WASHC4: variants seen among roughly 807,000 people sequenced by gnomAD.
WASHC4 encodes the protein WASH complex subunit 4, also known as WASH complex subunit 7.
A neutral mutation model predicts 166.6 loss-of-function variants in WASHC4; 86 were observed. The ratio of observed to expected loss-of-function variants is 0.52; its 90% CI spans 0.43 to 0.62. The LOEUF is 0.62. Ranked by LOEUF, WASHC4 falls within the 20% of genes least tolerant of loss-of-function variation. The pLI, the probability that WASHC4 is intolerant of heterozygous loss-of-function variation, is 0.00. For synonymous variants in WASHC4, 446 were observed against 451.6 expected (o/e 0.99, Z 0.16); for missense variants, 1,262 against 1,382.4 (o/e 0.91, Z 1.38).
chr12:105,147,020 G>A (rs1472518209), intron 23 of WASHC4, 22 bp from the exon 24 acceptor site: 1 of 1,357,618 alleles, frequency 7.4e-7, no homozygotes, highest in Non-Finnish European at 1.1e-6. Flanking sequence ...TTGTTACTGA[G>A]CATAAATTTG....
chr12:105,142,253 A>G (rs1209135682), intron 18 of WASHC4, among the ~76,000 whole-genome samples, 200 bp from the exon 19 acceptor site: 2 of 152,152 alleles, frequency 1.3e-5, no homozygotes, highest in East Asian at 3.8e-4. Context: ...TGACAATGTC[A>G]GGCATTGGAG....
intron 22 of WASHC4, among the ~76,000 whole-genome samples, chr12:105,145,593 A>G (rs1883226226): frequency 6.6e-6 from 1 of 152,050 alleles, no homozygotes; most frequent in Admixed American, 6.5e-5. Context: ...TTTATTGAGA[A>G]CATGCTAGGC....
At chr12:105,147,242 C>T in intron 24 of WASHC4, 96 bp downstream of exon 24, 1 of 764,224 alleles carries the variant, frequency 1.3e-6, no homozygotes. Flanking sequence ...ACATACACTA[C>T]TAGTTTATAT....
In WASHC4 at chr12:105,146,401, CTG is replaced by C. The variant is rs1204943854; in HGVS notation, c.2335-50_2335-49del. 2.8e-6 allele frequency: 3 copies of C among 1,067,130 alleles called. No individual in the cohort carries two copies. In the Admixed American group the frequency reaches 5.2e-5, roughly 18 times the overall value. The allele number at this position is 1,067,130 out of a possible 1,614,324, so 66.1% of individuals were successfully genotyped here. On this transcript the variant is annotated intron_variant, in intron 22 of 32. Transcript: ENST00000332180. ...AGTCATTATGCTGATACAAGTTTAA[CTG>C]ATTATTTTAATGAATTATAATAAAA...
intron 5 of WASHC4, among the ~76,000 whole-genome samples, chr12:105,115,446 A>G (rs560417690): frequency 9.9e-5 from 15 of 152,126 alleles, no homozygotes; most frequent in African/African-American, 3.6e-4. Context: ...GGTAGATGAG[A>G]ATTTTCCTTG....
chr12:105,149,838 T>C, intron 25 of WASHC4, 89 bp downstream of exon 25: 1 of 1,271,260 alleles, frequency 7.9e-7, no homozygotes, highest in Admixed American at 2.6e-5. Flanking sequence ...TAGATCTCTA[T>C]TGGGGTTTTA....
rs1266638556 is a variant in WASHC4, at chr12:105,142,522, T to C, written c.1857T>C (p.Asp619=). The change falls in exon 19 of 33, where the codon GAT becomes GAC. Residue 619 remains aspartate, a synonymous_variant. Coordinates refer to ENST00000332180, the MANE Select transcript of WASHC4 (RefSeq NM_015275.3). ...CTGTCTTCCCAATTTATTTAGATGA[T>C]GTATATGAAAATGCTGTTGATGCAG... The part of the protein sequence containing the change: ...HRAVFPIYLD[D]VYENAVDAAR... 6.2e-6 allele frequency: 10 copies of C among 1,606,188 alleles called. No homozygotes were observed. The highest frequency in any genetic ancestry group is 7.7e-6 in the Non-Finnish European group (9 of 1,173,838).
intron 6 of WASHC4, among the ~76,000 whole-genome samples, chr12:105,116,523 A>T (rs1880197342): frequency 6.6e-6 from 1 of 152,192 alleles, no homozygotes; most frequent in Non-Finnish European, 1.5e-5. Context: ...GATATGTAAG[A>T]TGAGTAAGTC....
chr12:105,156,435 AGC>A, intron 26 of WASHC4: 1 of 174,570 alleles, frequency 5.7e-6, no homozygotes, highest in East Asian at 1.6e-4. Context: ...TATAATTTTA[AGC>A]TTGACCATTT....
intron 26 of WASHC4, among the ~76,000 whole-genome samples, chr12:105,156,019 A>G (rs1262035375): frequency 6.6e-6 from 1 of 152,150 alleles, no homozygotes; most frequent in Non-Finnish European, 1.5e-5. Flanking sequence ...ATTGGATAGG[A>G]GGATATCTAT....
chr12:105,154,741 T>C (rs1400458234), intron 26 of WASHC4, among the ~76,000 whole-genome samples: 2 of 152,214 alleles, frequency 1.3e-5, no homozygotes, highest in Non-Finnish European at 2.9e-5. Flanking sequence ...AGCTAACATG[T>C]GGGAGACCAG....
intron 24 of WASHC4, 199 bp from the exon 25 acceptor site, chr12:105,149,416 A>G: frequency 9.2e-7 from 1 of 1,087,774 alleles, no homozygotes; most frequent in East Asian, 5.4e-5. Context: ...ATGTAAGAGG[A>G]GCTTATAGAA....
chr12:105,131,244 G>A (rs1324685805), intron 13 of WASHC4, among the ~76,000 whole-genome samples: 4 of 150,660 alleles, frequency 2.7e-5, no homozygotes, highest in Non-Finnish European at 4.4e-5. Context: ...CCGCCACCGC[G>A]CCCGGCTAAT....
intron 19 of WASHC4, 93 bp downstream of exon 19, chr12:105,142,651 A>ACT: frequency 1.7e-6 from 1 of 583,052 alleles, no homozygotes; most frequent in East Asian, 3.5e-5. Context: ...GATTTAATAA[A>ACT]CTTTTAAAAT....
Position 105,128,774 on chromosome 12 carries a change from T to G in WASHC4, c.1199+1485T>G, listed in dbSNP as rs201345995. ...GATAGTTGCATTAAATTCCGTTTTG[T>G]TTTTTTTTTTGATTTTTTTTTAGAG... On this transcript the variant is annotated intron_variant, in intron 13 of 32. Transcript: ENST00000332180. 1.4e-3 allele frequency among the ~76,000 whole-genome samples: 24 copies of G among 17,464 alleles called. No homozygotes were observed. In the South Asian group the frequency reaches 0.064, roughly 47 times the overall value. The allele number at this position is 17,464 out of a possible 152,430, so 11.5% of individuals were successfully genotyped here. A position where few individuals can be genotyped will look rare whatever the true frequency, so the allele number is the denominator to read the frequency against.
At chr12:105,114,716 G>C (rs1255995530) in intron 4 of WASHC4, among the ~76,000 whole-genome samples, 3 of 151,986 alleles carry the variant, frequency 2.0e-5, no homozygotes, top group African/African-American at 7.2e-5. Context: ...TCAACAGTTT[G>C]AATCTAGGTT....
At position 105,122,335 on chromosome 12, in the gene WASHC4, T is replaced by C. The variant is rs1880841018; in HGVS notation, c.786+97T>C. On this transcript the variant is annotated intron_variant, in intron 10 of 32. Transcript: ENST00000332180. Reference sequence around the variant, plus strand: ...CACTTTTATAATATACTGTTGAATATAATTTTCTTTAAAAAGTGCTTTGGC... The same window carrying C: ...CACTTTTATAATATACTGTTGAATACAATTTTCTTTAAAAAGTGCTTTGGC... 2.3e-6 allele frequency: 3 copies of C among 1,293,910 alleles called. No individual in the cohort carries two copies. In the East Asian group the frequency reaches 7.3e-5, roughly 31 times the overall value. The allele number at this position is 1,293,910 out of a possible 1,614,324, so 80.2% of individuals were successfully genotyped here.
intron 6 of WASHC4, among the ~76,000 whole-genome samples, chr12:105,117,915 G>A (rs1008522019): frequency 1.3e-5 from 2 of 152,278 alleles, no homozygotes; most frequent in East Asian, 1.9e-4. Context: ...TAAGTGATAC[G>A]ACATTTCACT....
intron 24 of WASHC4, chr12:105,148,090 A>G (rs1365780350): frequency 4.1e-6 from 4 of 985,244 alleles, no homozygotes; most frequent in Non-Finnish European, 4.8e-6. Context: ...TATTAAACAC[A>G]TTTGGAGTAG....
Sources: gnomAD v4.1 joint callset for allele counts (sites outside exome capture counted in the v4.1 genomes callset) on GRCh38, gnomAD v4.1.1 for gene constraint, MANE v1.5 for transcripts, NCBI Gene and HGNC (gene_info 2026-07-23, HGNC 2026-07-21) for gene names.